PLD1: variants seen among roughly 807,000 people sequenced by gnomAD.
PLD1 encodes choline phosphatase 1.
In PLD1, 112 loss-of-function variants were observed where a neutral mutation model predicts 137.1. The observed-to-expected ratio is 0.82, with a 90% CI of 0.70 to 0.96. PLD1 has a LOEUF of 0.96. Ranked by LOEUF, PLD1 falls within the 40% of genes least tolerant of loss-of-function variation. The probability of loss-of-function intolerance (pLI) is 0.00; values close to 1 mark genes in which losing one functional copy is unlikely to be tolerated. For synonymous variants in PLD1, 431 were observed against 454.7 expected, an observed-to-expected ratio of 0.95 and a Z score of 0.66; for missense variants, 1,321 against 1,342.0, an observed-to-expected ratio of 0.98 and a Z score of 0.24.
chr3:171,734,594 A>G (rs772044469), intron 5 of PLD1, among the ~76,000 whole-genome samples: 61 of 152,226 alleles, frequency 4.0e-4, no homozygotes, highest in Non-Finnish European at 6.6e-4. Context: ...TTTGACTCAC[A>G]ATAAGCCCAA....
chr3:171,726,098 A>C (rs1389460070), intron 6 of PLD1, 22 bp from the exon 7 acceptor site: 1 of 1,555,250 alleles, frequency 6.4e-7, no homozygotes, highest in Non-Finnish European at 8.9e-7. Flanking sequence ...CAAAAAATCC[A>C]TCTTTAGCAA....
intron 8 of PLD1, among the ~76,000 whole-genome samples, chr3:171,714,383 A>G (rs1181521993): frequency 1.3e-5 from 2 of 152,234 alleles, no homozygotes; most frequent in African/African-American, 4.8e-5. Flanking sequence ...AGGAGATGGG[A>G]TCCATTTACA....
At chr3:171,646,263 T>C (rs897516675) in intron 21 of PLD1, among the ~76,000 whole-genome samples, 1 of 152,182 alleles carries the variant, frequency 6.6e-6, no homozygotes, top group African/African-American at 2.4e-5. Flanking sequence ...CACAAAGGTG[T>C]TGTCATTGGT....
chr3:171,752,210 G>C (rs1284471986), intron 1 of PLD1, among the ~76,000 whole-genome samples: 1 of 152,138 alleles, frequency 6.6e-6, no homozygotes, highest in Non-Finnish European at 1.5e-5. Context: ...TAAAAACATA[G>C]AACAATCCTG....
At chr3:171,636,133 T>G (rs920204491) in intron 23 of PLD1, among the ~76,000 whole-genome samples, 1 of 151,968 alleles carries the variant, frequency 6.6e-6, no homozygotes, top group African/African-American at 2.4e-5. Context: ...TCGACTCTAT[T>G]CAGTTGACCT....
At chr3:171,716,643 G>C (rs1717705909) in intron 8 of PLD1, among the ~76,000 whole-genome samples, 1 of 152,008 alleles carries the variant, frequency 6.6e-6, no homozygotes, top group African/African-American at 2.4e-5. Context: ...TGGCTATTAG[G>C]TCTTTGTCAG....
chr3:171,690,191 C>T (rs1202964559), intron 13 of PLD1, among the ~76,000 whole-genome samples: 1 of 152,046 alleles, frequency 6.6e-6, no homozygotes, highest in East Asian at 1.9e-4. Context: ...ATTTTTATTT[C>T]TGTAGAATTG....
intron 21 of PLD1, among the ~76,000 whole-genome samples, chr3:171,646,912 C>T (rs1736272468): frequency 1.3e-5 from 2 of 152,168 alleles, no homozygotes; most frequent in Admixed American, 1.3e-4. Flanking sequence ...TAAAGCTTGG[C>T]TCATCAGCCT....
At chr3:171,644,646 T>C (rs530340290) in intron 22 of PLD1, among the ~76,000 whole-genome samples, 9 of 152,336 alleles carry the variant, frequency 5.9e-5, no homozygotes, top group African/African-American at 2.2e-4. Context: ...ATTATACATA[T>C]ATAGAAATAG....
intron 21 of PLD1, among the ~76,000 whole-genome samples, chr3:171,650,258 CCA>C (rs764545693): frequency 7.2e-4 from 109 of 152,246 alleles, no homozygotes; most frequent in Middle Eastern, 3.4e-3. Context: ...AGGATAGACC[CCA>C]CTCTCTTTTC....
chr3:171,712,153 T>A (rs1360131888), intron 9 of PLD1, among the ~76,000 whole-genome samples: 2 of 152,204 alleles, frequency 1.3e-5, no homozygotes, highest in Admixed American at 1.3e-4. Context: ...TTCCTCAATA[T>A]GTCAGAGGTA....
At position 171,648,777 on chromosome 3, in the gene PLD1, A is replaced by G. The variant is rs182591066; in HGVS notation, c.2430-3754T>C. 2.6e-5 allele frequency among the ~76,000 whole-genome samples: 4 copies of G among 152,166 alleles called. No individual in the cohort carries two copies. The East Asian group carries it at 7.7e-4, about 29-fold the overall frequency. ...CACCGTGTTAGCCAGGATGGTCTCG[A>G]TATCCTGACCTCGTGATCCACCCGC... On this transcript the variant is annotated intron_variant, in intron 21 of 26. Coordinates refer to ENST00000351298, the MANE Select transcript of PLD1 (RefSeq NM_002662.5).
At chr3:171,717,208 T>C (rs989683016) in intron 8 of PLD1, among the ~76,000 whole-genome samples, 2 of 152,144 alleles carry the variant, frequency 1.3e-5, no homozygotes, top group African/African-American at 4.8e-5. Flanking sequence ...TTGGTTCCAT[T>C]TGAATTTTAA....
chr3:171,682,164 GAAA>G (rs71750287), intron 16 of PLD1, among the ~76,000 whole-genome samples: 3 of 28,730 alleles, frequency 1.0e-4, no homozygotes, highest in Non-Finnish European at 2.2e-4. Flanking sequence ...AAGAAAGAAA[GAAA>G]AAGAAAGAAA....
intron 21 of PLD1, among the ~76,000 whole-genome samples, chr3:171,649,148 T>TA (rs1736513133): frequency 6.6e-6 from 1 of 152,186 alleles, no homozygotes; most frequent in Non-Finnish European, 1.5e-5. Context: ...AAGGGAGATC[T>TA]CATATGTATG....
intron 6 of PLD1, among the ~76,000 whole-genome samples, chr3:171,726,552 A>C (rs1159025322): frequency 6.6e-6 from 1 of 152,202 alleles, no homozygotes; most frequent in Non-Finnish European, 1.5e-5. Flanking sequence ...AAAAGGTTAT[A>C]GGATGTACAG....
intron 25 of PLD1, among the ~76,000 whole-genome samples, chr3:171,609,552 ACAC>A (rs1732491522): frequency 7.7e-6 from 1 of 129,890 alleles, no homozygotes; most frequent in Non-Finnish European, 1.5e-5. Flanking sequence ...ACACACACAC[ACAC>A]CAGAGAAAAC....
At chr3:171,692,134 T>C (rs918633092) in intron 13 of PLD1, among the ~76,000 whole-genome samples, 198 bp downstream of exon 13, 22 of 152,174 alleles carry the variant, frequency 1.4e-4, no homozygotes, top group African/African-American at 5.3e-4. Flanking sequence ...GAAGCAGAAA[T>C]GTGAGATCTG....
intron 23 of PLD1, among the ~76,000 whole-genome samples, chr3:171,622,225 A>G (rs1401073326): frequency 1.3e-5 from 2 of 152,192 alleles, no homozygotes; most frequent in Admixed American, 6.5e-5. Context: ...ATTGAACAAT[A>G]TAGTAGACCA....
Sources: allele counts gnomAD v4.1 joint callset (sites outside exome capture counted in the v4.1 genomes callset), GRCh38; gene constraint gnomAD v4.1.1; transcripts MANE v1.5; gene names NCBI Gene and HGNC (gene_info 2026-07-23, HGNC 2026-07-21).